Variants in CAT observed in about 807,000 individuals in gnomAD.
CAT encodes catalase.
CAT carries 43 observed loss-of-function variants against 59.0 expected under a neutral mutation model. The observed-to-expected ratio is 0.73, with a 90% CI of 0.57 to 0.94. The LOEUF (loss-of-function observed/expected upper bound fraction) is 0.94. CAT is among the 40% of genes least tolerant of loss of function. The pLI, the probability that CAT is intolerant of heterozygous loss-of-function variation, is 0.00. For synonymous variants in CAT, 218 were observed against 230.9 expected (o/e 0.94, Z 0.51); for missense variants, 664 against 682.9 (o/e 0.97, Z 0.31).
At chr11:34,451,997 A>T (rs540851318) in intron 3 of CAT, 80 bp from the exon 4 acceptor site, 2 of 1,454,694 alleles carry the variant, frequency 1.4e-6, no homozygotes, top group African/African-American at 1.4e-5. Context: ...GGATGGATCC[A>T]GGTGCTTCTT....
intron 11 of CAT, 58 bp downstream of exon 11, chr11:34,468,453 T>A: frequency 8.4e-7 from 1 of 1,195,874 alleles, no homozygotes; most frequent in Non-Finnish European, 1.3e-6. Flanking sequence ...AGTGCAGCTG[T>A]GTGGGAGAAC....
At chr11:34,450,967 T>A (rs1735977170) in intron 2 of CAT, 21 bp from the exon 3 acceptor site, 9 of 1,500,344 alleles carry the variant, frequency 6.0e-6, no homozygotes, top group Non-Finnish European at 8.4e-6. Context: ...ATGGTAAGGA[T>A]TTCTGTGTCT....
chr11:34,464,265 G>C, intron 10 of CAT, 30 bp downstream of exon 10: 1 of 1,609,476 alleles, frequency 6.2e-7, no homozygotes, highest in South Asian at 1.1e-5. Flanking sequence ...TGCTATGGAA[G>C]TCACCTGCTA....
At chr11:34,465,323 A>G (rs529394732) in intron 10 of CAT, among the ~76,000 whole-genome samples, 1 of 152,234 alleles carries the variant, frequency 6.6e-6, no homozygotes, top group Admixed American at 6.5e-5. Flanking sequence ...GCATTTACGT[A>G]TATACATATA....
chr11:34,463,989 TATGTGTAC>T, intron 9 of CAT, 108 bp from the exon 10 acceptor site: 4 of 955,860 alleles, frequency 4.2e-6, no homozygotes, highest in Non-Finnish European at 6.9e-6. Context: ...TATATCTGTG[TATGTGTAC>T]GTGTGTATTT....
chr11:34,458,097 G>A (rs1424886718), intron 8 of CAT, among the ~76,000 whole-genome samples: 1 of 152,210 alleles, frequency 6.6e-6, no homozygotes, highest in African/African-American at 2.4e-5. Flanking sequence ...GCAAAATTTT[G>A]TCTGATAGGA....
chr11:34,469,297 T>G (rs563826511), intron 11 of CAT, among the ~76,000 whole-genome samples: 2 of 152,286 alleles, frequency 1.3e-5, no homozygotes, highest in Admixed American at 1.3e-4. Flanking sequence ...CTCTGTGTGG[T>G]AGGCAGGGCA....
At position 34,461,287 on chromosome 11, in the gene CAT, C is replaced by T. The variant is rs754334542; in HGVS notation, c.1093C>T (p.Arg365Cys). Reference protein sequence around the residue: ...LFAYPDTHRHRLGPNYLHIPV... With the variant: ...LFAYPDTHRHCLGPNYLHIPV... ...TGCCTATCCTGACACTCACCGCCATCGCCTGGGACCCAATTATCTTCATAT... is the reference window on the plus strand; with the variant it reads ...TGCCTATCCTGACACTCACCGCCATTGCCTGGGACCCAATTATCTTCATAT... The change falls in exon 9 of 13, where the codon CGC becomes TGC. Residue 365 changes from arginine (R) to cysteine (C), a missense_variant. Physicochemically the swap from Arg to Cys is radical, Grantham distance 180. Transcript: ENST00000241052. 1.5e-5 allele frequency: 24 copies of T among 1,614,106 alleles called. No individual in the cohort carries two copies. Among genetic ancestry groups the T allele is most frequent in the East Asian group, 2.2e-5 (1 of 44,898 alleles).
chr11:34,466,099 G>A (rs150109884), intron 10 of CAT, among the ~76,000 whole-genome samples: 2 of 152,280 alleles, frequency 1.3e-5, no homozygotes, highest in Admixed American at 1.3e-4. Flanking sequence ...TATACTCAAG[G>A]CTTTCAGTTG....
intron 10 of CAT, among the ~76,000 whole-genome samples, chr11:34,466,933 A>G (rs1324895537): frequency 6.6e-6 from 1 of 152,218 alleles, no homozygotes; most frequent in Non-Finnish European, 1.5e-5. Flanking sequence ...AAGGAGGTTA[A>G]CATGGCTGAA....
intron 11 of CAT, among the ~76,000 whole-genome samples, chr11:34,469,672 T>G (rs1206564576): frequency 5.2e-5 from 6 of 115,858 alleles, no homozygotes; most frequent in South Asian, 2.4e-4. Context: ...GTTGTGTGGG[T>G]TTTTTTTTTT....
At chr11:34,450,957 A>T in intron 2 of CAT, 31 bp from the exon 3 acceptor site, 1 of 1,416,744 alleles carries the variant, frequency 7.1e-7, no homozygotes. Context: ...TAATGGTCTC[A>T]TGGTAAGGAT....
At chr11:34,448,442 T>C (rs1396063811) in intron 1 of CAT, among the ~76,000 whole-genome samples, 2 of 152,172 alleles carry the variant, frequency 1.3e-5, no homozygotes, top group African/African-American at 4.8e-5. Flanking sequence ...TCCAGGATCA[T>C]GTGGGGCTAG....
intron 9 of CAT, among the ~76,000 whole-genome samples, chr11:34,461,911 T>C (rs2133857162): frequency 6.6e-6 from 1 of 152,056 alleles, no homozygotes; most frequent in Admixed American, 6.5e-5. Flanking sequence ...GAGAAGAGAG[T>C]AGGGGAGGCA....
chr11:34,456,969 T>C (rs1176624814), intron 8 of CAT, 152 bp downstream of exon 8: 2 of 772,084 alleles, frequency 2.6e-6, no homozygotes, highest in Non-Finnish European at 4.3e-6. Context: ...TGGGATTCAC[T>C]GAGGTGAACT....
chr11:34,455,387 T>C (rs933387145), intron 6 of CAT, among the ~76,000 whole-genome samples: 12 of 152,218 alleles, frequency 7.9e-5, no homozygotes, highest in Admixed American at 6.5e-4. Context: ...GGAGCACTTA[T>C]GAAGTGACAC....
At position 34,456,049 on chromosome 11, in the gene CAT, G is replaced by A. The variant is rs375051353; in HGVS notation, c.750G>A (p.Ala250=). 1.9e-5 allele frequency: 30 copies of A among 1,613,796 alleles called. No homozygotes were observed. The highest frequency in any genetic ancestry group is 4.5e-5 in the East Asian group (2 of 44,886). ...QGIKNLSVED[A]ARLSQEDPDY... ...TCAAAAACCTTTCTGTTGAAGATGCGGCGAGACTTTCCCAGGAAGATCCTG... is the reference window on the plus strand; with the variant it reads ...TCAAAAACCTTTCTGTTGAAGATGCAGCGAGACTTTCCCAGGAAGATCCTG... Residue 250 remains alanine, a synonymous_variant, in exon 7 of 13, where the codon GCG becomes GCA. Coordinates refer to ENST00000241052, the MANE Select transcript of CAT (RefSeq NM_001752.4).
chr11:34,439,196 T>G, intron 1 of CAT, 117 bp downstream of exon 1: 1 of 957,922 alleles, frequency 1.0e-6, no homozygotes, highest in Non-Finnish European at 1.6e-6. Context: ...CGCGGCTCAC[T>G]GGGCAGGGGG....
At position 34,471,476 on chromosome 11, in the gene CAT, C is replaced by A; in HGVS notation, c.*43C>A. 6.6e-7 allele frequency: 1 copy of A among 1,508,798 alleles called. No homozygotes were observed. The highest frequency in any genetic ancestry group is 9.2e-7 in the Non-Finnish European group (1 of 1,083,850). 93.5% of individuals were successfully genotyped at this position (1,508,798 alleles called of 1,614,324 possible). On this transcript the variant is annotated 3_prime_UTR_variant, in exon 13 of 13. Coordinates refer to ENST00000241052, the MANE Select transcript of CAT (RefSeq NM_001752.4). ...TGTGCAGCGAAGCTTAGCGTTCATC[C>A]GTGTAACCCGCTCATCACTGGATGA...
Sources: gnomAD v4.1 joint callset for allele counts (sites outside exome capture counted in the v4.1 genomes callset) on GRCh38, gnomAD v4.1.1 for gene constraint, MANE v1.5 for transcripts, NCBI Gene and HGNC (gene_info 2026-07-23, HGNC 2026-07-21) for gene names.